ARHGAP24: variants seen among roughly 807,000 people sequenced by gnomAD.
ARHGAP24 encodes the protein Rho GTPase activating protein 24.
A neutral mutation model predicts 76.4 loss-of-function variants in ARHGAP24; 50 were observed. The observed-to-expected ratio is 0.65, with a 90% CI of 0.52 to 0.83. The LOEUF (loss-of-function observed/expected upper bound fraction) is 0.83, where lower values mean the gene tolerates loss of function less well. Ranked by LOEUF, ARHGAP24 falls within the 40% of genes least tolerant of loss-of-function variation. The pLI is 0.00. For missense variants in ARHGAP24, 930 were observed against 914.2 expected, an observed-to-expected ratio of 1.02 and a Z score of -0.22; for synonymous variants, 345 against 323.3, an observed-to-expected ratio of 1.07 and a Z score of -0.72.
chr4:85,742,532 A>G (rs1725864900), intron 3 of ARHGAP24, among the ~76,000 whole-genome samples: 1 of 152,248 alleles, frequency 6.6e-6, no homozygotes, highest in Non-Finnish European at 1.5e-5. Flanking sequence ...ATAGACGTAT[A>G]GATTGACATA....
In ARHGAP24 at chr4:85,815,127, G is replaced by A. The variant is rs185086840; in HGVS notation, c.268+93155G>A. Among the ~76,000 whole-genome samples the A allele has an allele frequency of 8.1e-3, 1,235 of 152,164 alleles. 7 individuals are homozygous for A. Among genetic ancestry groups the A allele is most frequent in the Middle Eastern group, 0.01 (3 of 294 alleles). ...GTTCCTGGGCTGCACACAGCCCAGG[G>A]ACCCTGGACCCAGCCCCCGAAACCA... On this transcript the variant is annotated intron_variant, in intron 3 of 9. Coordinates refer to ENST00000395184, the MANE Select transcript of ARHGAP24 (RefSeq NM_001025616.3).
intron 3 of ARHGAP24, among the ~76,000 whole-genome samples, chr4:85,777,862 A>G (rs1727366325): frequency 6.6e-6 from 1 of 152,218 alleles, no homozygotes; most frequent in Non-Finnish European, 1.5e-5. Flanking sequence ...TTAGAAAAAC[A>G]TAATTTATTC....
chr4:85,823,565 C>CTG, intron 3 of ARHGAP24, among the ~76,000 whole-genome samples: 2 of 152,348 alleles, frequency 1.3e-5, no homozygotes, highest in East Asian at 3.9e-4. Context: ...GCAGCTGACA[C>CTG]TGTTATCACT....
In ARHGAP24 at chr4:86,000,565, T is replaced by C. The variant is rs1740957816; in HGVS notation, c.2090T>C (p.Ile697Thr). The stretch of plus-strand genomic sequence containing the variant: ...CAGGAGAGGAAAAAGTTCACAATGA[T>C]AGAAATAAAAATGCGAAATGCCGAG... ...LDQERKKFTM[I>T]EIKMRNAERA... Residue 697 changes from isoleucine to threonine, a missense_variant, in exon 10 of 10, where the codon ATA becomes ACA. Transcript: ENST00000395184. 1.9e-6 allele frequency: 3 copies of C among 1,608,426 alleles called. No homozygotes were observed. The highest frequency in any genetic ancestry group is 2.5e-6 in the Non-Finnish European group (3 of 1,178,334).
At chr4:85,685,821 C>T (rs577647347) in intron 2 of ARHGAP24, among the ~76,000 whole-genome samples, 1 of 152,268 alleles carries the variant, frequency 6.6e-6, no homozygotes, top group Admixed American at 6.5e-5. Flanking sequence ...AAACAACAAC[C>T]ATTGTATTAC....
intron 2 of ARHGAP24, among the ~76,000 whole-genome samples, chr4:85,665,982 C>A (rs1014162951): frequency 2.0e-5 from 3 of 152,130 alleles, no homozygotes; most frequent in Admixed American, 6.5e-5. Flanking sequence ...GTGAATCTGA[C>A]AATTATGTGT....
intron 3 of ARHGAP24, among the ~76,000 whole-genome samples, chr4:85,802,196 C>T (rs960513781): frequency 2.0e-5 from 3 of 152,120 alleles, no homozygotes; most frequent in Admixed American, 1.3e-4. Context: ...TGCTATGTAG[C>T]GCTAACCAAA....
At chr4:85,513,753 GT>G (rs762393000) in intron 1 of ARHGAP24, among the ~76,000 whole-genome samples, 31 of 152,226 alleles carry the variant, frequency 2.0e-4, no homozygotes, top group Admixed American at 9.8e-4. Context: ...ATTGCAAAAA[GT>G]TTTCTTATCT....
At chr4:85,832,200 C>T (rs1350408380) in intron 3 of ARHGAP24, among the ~76,000 whole-genome samples, 1 of 152,000 alleles carries the variant, frequency 6.6e-6, no homozygotes. Context: ...GGTGAGAAGG[C>T]TTGGGATTAG....
chr4:85,722,557 A>G (rs1724993847), intron 3 of ARHGAP24: 1 of 156,512 alleles, frequency 6.4e-6, no homozygotes, highest in Non-Finnish European at 1.4e-5. Flanking sequence ...CAAATCCCTC[A>G]GTTAAACTTT....
intron 3 of ARHGAP24, among the ~76,000 whole-genome samples, chr4:85,749,360 T>C (rs546643557): frequency 2.0e-5 from 3 of 152,340 alleles, no homozygotes; most frequent in Admixed American, 6.5e-5. Flanking sequence ...TCTCACTCCA[T>C]TGCGAACAAA....
chr4:85,651,610 TTTA>T (rs1007940418), intron 2 of ARHGAP24, among the ~76,000 whole-genome samples: 3 of 148,854 alleles, frequency 2.0e-5, no homozygotes, highest in African/African-American at 7.8e-5. Flanking sequence ...TTACTAGTGT[TTTA>T]TTATTAATAC....
intron 1 of ARHGAP24, among the ~76,000 whole-genome samples, chr4:85,540,125 T>A (rs1725620180): frequency 6.6e-6 from 1 of 151,980 alleles, no homozygotes; most frequent in South Asian, 2.1e-4. Flanking sequence ...AGTTTTTATT[T>A]TTAAACCACT....
chr4:85,935,559 CAT>C (rs1207323469), intron 4 of ARHGAP24, among the ~76,000 whole-genome samples: 1 of 152,188 alleles, frequency 6.6e-6, no homozygotes, highest in Non-Finnish European at 1.5e-5. Context: ...ATTAACATAA[CAT>C]AGTGAAAAAT....
rs1216698171 is a variant in ARHGAP24 at position 85,997,401 on chromosome 4, TAGATAGATAG to T, written c.2003+1746_2003+1755del. ...ATAGATAGATAGATAGATAGATAGA[TAGATAGATAG>T]ATAATATTTTACTTTGTTTAATTAT... On this transcript the variant is annotated intron_variant, in intron 9 of 9. Coordinates refer to ENST00000395184, the MANE Select transcript of ARHGAP24 (RefSeq NM_001025616.3). 4.2e-4 allele frequency among the ~76,000 whole-genome samples: 48 copies of T among 115,086 alleles called. No homozygotes were observed. The South Asian group carries it at 0.012, about 28-fold the overall frequency. The allele number at this position is 115,086 out of a possible 152,430, so 75.5% of individuals were successfully genotyped here.
chr4:85,966,802 C>A (rs974827171), intron 5 of ARHGAP24, among the ~76,000 whole-genome samples: 1 of 152,058 alleles, frequency 6.6e-6, no homozygotes, highest in African/African-American at 2.4e-5. Context: ...AGTTTTAGGT[C>A]ATCTCATTGT....
intron 3 of ARHGAP24, among the ~76,000 whole-genome samples, chr4:85,781,455 A>G (rs1727550951): frequency 6.6e-6 from 1 of 152,200 alleles, no homozygotes; most frequent in Non-Finnish European, 1.5e-5. Flanking sequence ...AGCTGAGTCC[A>G]GGGCAATTCT....
intron 3 of ARHGAP24, among the ~76,000 whole-genome samples, chr4:85,917,203 A>G (rs544979654): frequency 4.1e-4 from 63 of 152,030 alleles, no homozygotes; most frequent in Non-Finnish European, 7.2e-4. Context: ...GAGAATGATG[A>G]TTTCCAATTT....
At chr4:85,737,446 A>C (rs142647951) in intron 3 of ARHGAP24, among the ~76,000 whole-genome samples, 13 of 152,332 alleles carry the variant, frequency 8.5e-5, no homozygotes, top group African/African-American at 2.6e-4. Flanking sequence ...TGTTCATAGG[A>C]AACTCTAGGC....
Sources: allele counts gnomAD v4.1 joint callset (sites outside exome capture counted in the v4.1 genomes callset), GRCh38; gene constraint gnomAD v4.1.1; transcripts MANE v1.5; gene names NCBI Gene and HGNC (gene_info 2026-07-23, HGNC 2026-07-21).